GRIN2A: variants seen among roughly 807,000 people sequenced by gnomAD.
GRIN2A encodes glutamate receptor ionotropic, NMDA 2A.
A neutral mutation model predicts 113.4 loss-of-function variants in GRIN2A; 22 were observed. The ratio of observed to expected loss-of-function variants is 0.19; its 90% CI spans 0.14 to 0.28. The LOEUF is 0.28. GRIN2A is among the 10% of genes least tolerant of loss of function. The pLI is 1.00. For missense variants in GRIN2A, 1,502 were observed against 1,887.0 expected, an observed-to-expected ratio of 0.80 and a Z score of 3.78; for synonymous variants, 827 against 738.4, an observed-to-expected ratio of 1.12 and a Z score of -1.94.
At chr16:9,933,080 A>T (rs2044633706) in intron 3 of GRIN2A, among the ~76,000 whole-genome samples, 1 of 152,248 alleles carries the variant, frequency 6.6e-6, no homozygotes, top group Non-Finnish European at 1.5e-5. Context: ...CAGATGTTTA[A>T]TAACTGTGCA....
chr16:10,015,511 T>G (rs1311815103), intron 2 of GRIN2A, among the ~76,000 whole-genome samples: 1 of 151,830 alleles, frequency 6.6e-6, no homozygotes, highest in East Asian at 1.9e-4. Flanking sequence ...ACAAAAATAT[T>G]TTTTTCAAAA....
chr16:9,755,141 A>C lies in GRIN2A; in HGVS notation c.*8008T>G, dbSNP rs1378257740. ...TTGTTTCACTGACATAGTAAGTAAG[A>C]GAATTATGAGTGATAATCTCAGTTT... On this transcript the variant is annotated 3_prime_UTR_variant, in exon 13 of 13. Transcript: ENST00000330684. 1.5e-5 allele frequency: 3 copies of C among 195,744 alleles called. No homozygotes were observed. Among genetic ancestry groups the C allele is most frequent in the Non-Finnish European group, 3.2e-5 (3 of 94,254 alleles). 12.1% of individuals were successfully genotyped at this position (195,744 alleles called of 1,614,324 possible).
intron 2 of GRIN2A, among the ~76,000 whole-genome samples, chr16:10,152,441 G>T (rs1027294089): frequency 6.6e-6 from 1 of 152,128 alleles, no homozygotes; most frequent in African/African-American, 2.4e-5. Flanking sequence ...TCAACTCCAT[G>T]GATCCCATGT....
At position 10,182,047 on chromosome 16, in the gene GRIN2A, C is replaced by T. The variant is rs1330759912; in HGVS notation, c.-189G>A. ...CCCCACGGGGGGCGGCTATCCCAGC[C>T]GGAGGCTCTGCAGCAGGGCTCTAAC... On this transcript the variant is annotated 5_prime_UTR_variant, in exon 1 of 13. Transcript: ENST00000330684. 1.3e-5 allele frequency: 2 copies of T among 152,684 alleles called. No homozygotes were observed. Among genetic ancestry groups the T allele is most frequent in the Non-Finnish European group, 2.9e-5 (2 of 68,210 alleles). The allele number at this position is 152,684 out of a possible 1,614,324, so 9.5% of individuals were successfully genotyped here. A position where few individuals can be genotyped will look rare whatever the true frequency, so the allele number is the denominator to read the frequency against.
chr16:10,124,382 T>C (rs1400637871), intron 2 of GRIN2A, among the ~76,000 whole-genome samples: 2 of 152,284 alleles, frequency 1.3e-5, no homozygotes, highest in Non-Finnish European at 2.9e-5. Flanking sequence ...AGATGCTCAA[T>C]AACTGGAGGC....
In GRIN2A at chr16:10,180,163, G is replaced by A. The variant is rs2142389479; in HGVS notation, c.249C>T (p.Ile83=). 6.2e-7 allele frequency: 1 copy of A among 1,614,240 alleles called. No homozygotes were observed. The highest frequency in any genetic ancestry group is 1.1e-5 in the South Asian group (1 of 91,090). The change falls in exon 2 of 13, where the codon ATC becomes ATT. Residue 83 remains isoleucine (I), a synonymous_variant. Transcript: ENST00000330684. The surrounding 1 kb of genome is among the most constrained non-coding windows in gnomAD (Gnocchi z 7.0). ...CGGACATGAGGTCGCACACGTGCGT[G>A]ATGAGGCTCTTGGGGTCGGTGCGGT... ...LMNRTDPKSL[I]THVCDLMSGA... is the part of the protein sequence containing the mutation.
intron 2 of GRIN2A, among the ~76,000 whole-genome samples, chr16:10,040,912 A>G (rs957354206): frequency 6.6e-6 from 1 of 152,174 alleles, no homozygotes; most frequent in African/African-American, 2.4e-5. Context: ...CCAGCCAGGA[A>G]CACTCCCCTC....
intron 2 of GRIN2A, among the ~76,000 whole-genome samples, chr16:10,080,268 A>T (rs1363032256): frequency 1.3e-5 from 2 of 152,204 alleles, no homozygotes; most frequent in Non-Finnish European, 2.9e-5. Context: ...ATGAGCAAAT[A>T]AATCAATGAA....
At chr16:9,956,891 G>C (rs2045323439) in intron 2 of GRIN2A, among the ~76,000 whole-genome samples, 1 of 152,160 alleles carries the variant, frequency 6.6e-6, no homozygotes, top group Non-Finnish European at 1.5e-5. Context: ...GGAGGCAAGT[G>C]TGAGGGTCTT....
At position 9,764,870 on chromosome 16, in the gene GRIN2A, T is replaced by C. The variant is rs1060503229; in HGVS notation, c.2674A>G (p.Ser892Gly). 1.2e-6 allele frequency: 2 copies of C among 1,614,180 alleles called. No individual in the cohort carries two copies. The highest frequency in any genetic ancestry group is 2.2e-5 in the East Asian group (1 of 44,866). ...SPDFNLTGSQ[S>G]NMLKLLRSAK... ...GACCGGAGGAGTTTTAACATGTTGC[T>C]CTGGGATCCCGTCAGATTGAAGTCT... Residue 892 changes from serine to glycine, a missense_variant, in exon 13 of 13, where the codon AGC becomes GGC. Around this residue, in one of 7 missense-constraint regions of GRIN2A, gnomAD observed 832 missense variants for 789.7 expected, o/e 1.05. Coordinates refer to ENST00000330684, the MANE Select transcript of GRIN2A (RefSeq NM_001134407.3).
chr16:9,998,384 C>A (rs1376959536), intron 2 of GRIN2A, among the ~76,000 whole-genome samples: 1 of 152,120 alleles, frequency 6.6e-6, no homozygotes, highest in Admixed American at 6.5e-5. Flanking sequence ...TGCCAGGGAG[C>A]TGGAAGGATG....
At chr16:10,094,991 G>C (rs1240578040) in intron 2 of GRIN2A, among the ~76,000 whole-genome samples, 1 of 152,016 alleles carries the variant, frequency 6.6e-6, no homozygotes, top group African/African-American at 2.4e-5. Context: ...TGGAGATAGG[G>C]CTTTTAGGAG....
In GRIN2A at chr16:9,834,896, C is replaced by A. The variant is rs190461936; in HGVS notation, c.1652-666G>T. On this transcript the variant is annotated intron_variant, in intron 7 of 12. Transcript: ENST00000330684. ...ATAGTTTCCTTTGTAATTATAGAACCATCCAGGGGGCTAAAGCTAGGAAGA... is the reference window on the plus strand; with the variant it reads ...ATAGTTTCCTTTGTAATTATAGAACAATCCAGGGGGCTAAAGCTAGGAAGA... 1.8e-3 allele frequency among the ~76,000 whole-genome samples: 269 copies of A among 152,162 alleles called. 1 individual carries two copies. Among genetic ancestry groups the A allele is most frequent in the African/African-American group, 6.3e-3 (262 of 41,516 alleles).
intron 2 of GRIN2A, among the ~76,000 whole-genome samples, chr16:10,055,462 T>C (rs1239380958): frequency 2.0e-5 from 3 of 152,154 alleles, no homozygotes; most frequent in Non-Finnish European, 2.9e-5. Context: ...AAGAAAAGAT[T>C]TAAACACAAT....
At chr16:9,886,664 G>C (rs943284021) in intron 4 of GRIN2A, among the ~76,000 whole-genome samples, 1 of 152,026 alleles carries the variant, frequency 6.6e-6, no homozygotes, top group Non-Finnish European at 1.5e-5. Context: ...GATAGGGCCT[G>C]GTACACAGTA....
At chr16:10,052,787 C>T (rs1248216197) in intron 2 of GRIN2A, among the ~76,000 whole-genome samples, 1 of 152,170 alleles carries the variant, frequency 6.6e-6, no homozygotes, top group East Asian at 1.9e-4. Context: ...GTGGCTTACA[C>T]CTGTAATCCC....
At chr16:9,886,438 T>C (rs1296118243) in intron 4 of GRIN2A, among the ~76,000 whole-genome samples, 6 of 151,948 alleles carry the variant, frequency 3.9e-5, no homozygotes, top group Non-Finnish European at 8.8e-5. Context: ...ATTCATGGAG[T>C]TGCAAATCAC....
chr16:9,875,215 T>C (rs1210402741), intron 4 of GRIN2A, among the ~76,000 whole-genome samples: 4 of 152,026 alleles, frequency 2.6e-5, no homozygotes, highest in African/African-American at 9.7e-5. Flanking sequence ...CTATAGCCCC[T>C]AGGCCATAAT....
intron 2 of GRIN2A, among the ~76,000 whole-genome samples, chr16:10,129,349 T>C (rs1185241182): frequency 6.9e-6 from 1 of 144,056 alleles, no homozygotes; most frequent in Non-Finnish European, 1.5e-5. Context: ...AAAGGACACA[T>C]GCTTTAATGG....
Sources: gnomAD v4.1 joint callset for allele counts (sites outside exome capture counted in the v4.1 genomes callset) on GRCh38, gnomAD v4.1.1 for gene constraint, gnomAD v4.1.1 regional missense constraint, Gnocchi (gnomAD v3.1) non-coding constraint, MANE v1.5 for transcripts, NCBI Gene and HGNC (gene_info 2026-07-23, HGNC 2026-07-21) for gene names.